Variants in SCYL2 observed in about 807,000 individuals in gnomAD.
SCYL2 encodes SCY1-like protein 2.
Under a neutral mutation model 100.4 loss-of-function variants are expected in SCYL2, and 36 were observed. The ratio of observed to expected loss-of-function variants is 0.36; its 90% CI spans 0.27 to 0.47. The LOEUF (loss-of-function observed/expected upper bound fraction) is 0.47. Ranked by LOEUF, SCYL2 falls within the 20% of genes least tolerant of loss-of-function variation. The pLI is 1.00. For synonymous variants in SCYL2, 330 were observed against 359.2 expected (o/e 0.92, Z 0.92); for missense variants, 902 against 1,083.9 (o/e 0.83, Z 2.36).
chr12:100,310,688 A>G (rs1046600822), intron 4 of SCYL2, among the ~76,000 whole-genome samples: 3 of 152,244 alleles, frequency 2.0e-5, no homozygotes, highest in African/African-American at 7.2e-5. Flanking sequence ...AAATCTTAAT[A>G]TTCACTGTCT....
At chr12:100,291,687 T>C (rs777660495) in intron 3 of SCYL2, 27 bp downstream of exon 3, 20 of 1,547,140 alleles carry the variant, frequency 1.3e-5, no homozygotes, top group Non-Finnish European at 1.7e-5. Flanking sequence ...ACTTACATAG[T>C]AGACTTCCTG....
chr12:100,334,059 C>G, intron 13 of SCYL2, 107 bp from the exon 14 acceptor site: 1 of 665,580 alleles, frequency 1.5e-6, no homozygotes, highest in East Asian at 2.7e-5. Context: ...TCCTATTCTA[C>G]TGGTAAAAAT....
intron 7 of SCYL2, 59 bp downstream of exon 7, chr12:100,313,597 T>C: frequency 1.1e-6 from 1 of 913,530 alleles, no homozygotes. Flanking sequence ...TGAAGTAGAT[T>C]AAGTTTTTGG....
rs567598447 is a variant in SCYL2, at chr12:100,325,079, T to C, written c.1509+1441T>C. On this transcript the variant is annotated intron_variant, in intron 11 of 17. Transcript: ENST00000360820. ...CTCGTCTCTACTAAAAATAAAAAAA[T>C]TTAGCTGGATGTGGTGGCATGGTGG... is the stretch of plus-strand genomic sequence containing the variant. Among the ~76,000 whole-genome samples the C allele has an allele frequency of 1.5e-4, 23 of 152,102 alleles. No individual in the cohort carries two copies. The South Asian group carries it at 4.6e-3, about 30-fold the overall frequency.
In SCYL2 at chr12:100,341,008, A is replaced by G. The variant is rs1383503702; in HGVS notation, c.*1836A>G. On this transcript the variant is annotated 3_prime_UTR_variant, in exon 18 of 18. Coordinates refer to ENST00000360820, the MANE Select transcript of SCYL2 (RefSeq NM_017988.6). ...GTTTTTTATTTTGTAAAATAACATGATGTTAGTGTTGAACTCTTAAACAGA... is the reference window on the plus strand; with the variant it reads ...GTTTTTTATTTTGTAAAATAACATGGTGTTAGTGTTGAACTCTTAAACAGA... 1 of 152,066 alleles carries G rather than the reference A, an allele frequency of 6.6e-6. No individual in the cohort carries two copies. Among genetic ancestry groups the G allele is most frequent in the Admixed American group, 6.5e-5 (1 of 15,274 alleles). 9.4% of individuals were successfully genotyped at this position (152,066 alleles called of 1,614,324 possible). A position where few individuals can be genotyped will look rare whatever the true frequency, so the allele number is the denominator to read the frequency against.
intron 10 of SCYL2, among the ~76,000 whole-genome samples, chr12:100,320,096 G>A (rs944213969): frequency 1.3e-5 from 2 of 152,120 alleles, no homozygotes; most frequent in South Asian, 2.1e-4. Context: ...AATGGATATC[G>A]AAATTATCTT....
At position 100,340,211 on chromosome 12, in the gene SCYL2, G is replaced by C. The variant is rs1952335838; in HGVS notation, c.*1039G>C. On this transcript the variant is annotated 3_prime_UTR_variant, in exon 18 of 18. Coordinates refer to ENST00000360820, the MANE Select transcript of SCYL2 (RefSeq NM_017988.6). ...TGATAGTCTGACCTCATTAATTACT[G>C]CTACTGAAGTTCAATTTTTTTCTAG... 6.6e-6 allele frequency: 1 copy of C among 152,412 alleles called. No individual in the cohort carries two copies. Among genetic ancestry groups the C allele is most frequent in the Admixed American group, 6.6e-5 (1 of 15,264 alleles). The allele number at this position is 152,412 out of a possible 1,614,324, so 9.4% of individuals were successfully genotyped here.
chr12:100,332,447 A>C, intron 13 of SCYL2, among the ~76,000 whole-genome samples: 1 of 152,196 alleles, frequency 6.6e-6, no homozygotes, highest in East Asian at 1.9e-4. Context: ...CGAGGATAGC[A>C]GTTTAGGCCT....
At chr12:100,293,977 C>T (rs1455866869) in intron 3 of SCYL2, among the ~76,000 whole-genome samples, 1 of 151,926 alleles carries the variant, frequency 6.6e-6, no homozygotes, top group African/African-American at 2.4e-5. Context: ...TTTTCCCCAC[C>T]TTTCCCCCCT....
chr12:100,311,628 A>G (rs1348945484), intron 5 of SCYL2, among the ~76,000 whole-genome samples: 1 of 152,208 alleles, frequency 6.6e-6, no homozygotes, highest in Non-Finnish European at 1.5e-5. Context: ...AGTGGGGTAT[A>G]GGAATAATAC....
intron 1 of SCYL2, among the ~76,000 whole-genome samples, chr12:100,279,133 G>A (rs139489120): frequency 7.5e-4 from 114 of 152,318 alleles, no homozygotes; most frequent in African/African-American, 2.6e-3. Flanking sequence ...ACCAGGGACC[G>A]GATTCGTGGA....
chr12:100,331,086 A>G (rs762961788), intron 13 of SCYL2, among the ~76,000 whole-genome samples: 1 of 151,660 alleles, frequency 6.6e-6, no homozygotes, highest in Non-Finnish European at 1.5e-5. Context: ...TCGGCCTCCC[A>G]AAGTGCTGGG....
At chr12:100,314,427 C>A in intron 7 of SCYL2, 62 bp from the exon 8 acceptor site, 1 of 1,230,784 alleles carries the variant, frequency 8.1e-7, no homozygotes, top group Non-Finnish European at 1.1e-6. Flanking sequence ...GTGACAGTTT[C>A]AGATATGAGA....
intron 1 of SCYL2, among the ~76,000 whole-genome samples, chr12:100,280,096 T>C (rs908463690): frequency 6.6e-5 from 10 of 152,212 alleles, no homozygotes; most frequent in Admixed American, 1.3e-4. Context: ...TTCTCTTTCT[T>C]ACTGGGGTCA....
intron 4 of SCYL2, among the ~76,000 whole-genome samples, chr12:100,307,984 A>G (rs1347335513): frequency 6.6e-6 from 1 of 152,224 alleles, no homozygotes; most frequent in Non-Finnish European, 1.5e-5. Context: ...AACGTCAGGA[A>G]ACAACAGATG....
chr12:100,271,527 C>T (rs1048094600), intron 1 of SCYL2, among the ~76,000 whole-genome samples: 5 of 152,102 alleles, frequency 3.3e-5, no homozygotes, highest in African/African-American at 7.2e-5. Context: ...AAATCTCAGA[C>T]CTTTGTGCCC....
At chr12:100,338,108 T>C (rs1952302750) in intron 17 of SCYL2, among the ~76,000 whole-genome samples, 1 of 152,212 alleles carries the variant, frequency 6.6e-6, no homozygotes, top group African/African-American at 2.4e-5. Context: ...AAAACCTTTG[T>C]GGGCCAAGAG....
At chr12:100,304,414 C>G (rs575472990) in intron 4 of SCYL2, among the ~76,000 whole-genome samples, 1 of 152,118 alleles carries the variant, frequency 6.6e-6, no homozygotes, top group African/African-American at 2.4e-5. Context: ...TCCTGGTCTG[C>G]GGGTTGCAAA....
chr12:100,294,536 C>T (rs2096315682), intron 3 of SCYL2, among the ~76,000 whole-genome samples: 1 of 135,476 alleles, frequency 7.4e-6, no homozygotes, highest in Non-Finnish European at 1.6e-5. Context: ...GACTCCCCCA[C>T]CTCCCTCCCA....
Sources: gnomAD v4.1 joint callset for allele counts (sites outside exome capture counted in the v4.1 genomes callset) on GRCh38, gnomAD v4.1.1 for gene constraint, MANE v1.5 for transcripts, NCBI Gene and HGNC (gene_info 2026-07-23, HGNC 2026-07-21) for gene names.